DPYD: variants seen among roughly 807,000 people sequenced by gnomAD.
DPYD encodes dihydropyrimidine dehydrogenase, also known as dihydropyrimidine dehydrogenase [NADP(+)].
In DPYD, 109 loss-of-function variants were observed where a neutral mutation model predicts 116.2. The ratio of observed to expected loss-of-function variants is 0.94; its 90% CI spans 0.80 to 1.10. DPYD has a LOEUF of 1.10. Ranked by LOEUF, DPYD falls within the 50% of genes least tolerant of loss-of-function variation. DPYD has a pLI of 0.00. For missense variants in DPYD, 1,302 were observed against 1,254.5 expected (o/e 1.04, Z -0.57); for synonymous variants, 440 against 432.0 (o/e 1.02, Z -0.23).
At chr1:97,176,466 T>C (rs1358402854) in intron 20 of DPYD, among the ~76,000 whole-genome samples, 2 of 152,314 alleles carry the variant, frequency 1.3e-5, no homozygotes, top group Non-Finnish European at 2.9e-5. Flanking sequence ...CTCATGTTTT[T>C]AGTAGGTGGG....
chr1:97,747,055 C>T lies in DPYD; in HGVS notation c.234-6576G>A, dbSNP rs568170696. ...GAAAAGTGTCCCAATTCTGACTACT[C>T]TCTGTTAGAAATTTATTTATGGAGC... On this transcript the variant is annotated intron_variant, in intron 3 of 22. Transcript: ENST00000370192. Among the ~76,000 whole-genome samples, 5 of 151,604 alleles carry T rather than the reference C, an allele frequency of 3.3e-5. No individual in the cohort carries two copies. In the East Asian group the frequency reaches 9.7e-4, roughly 29 times the overall value.
chr1:97,676,220 T>C (rs77334208), intron 8 of DPYD, among the ~76,000 whole-genome samples: 2,019 of 152,290 alleles, frequency 0.013, 22 homozygotes, highest in Middle Eastern at 0.024. Context: ...TGTCATCCCC[T>C]TTCCCTATGA....
intron 18 of DPYD, among the ~76,000 whole-genome samples, chr1:97,302,260 G>A (rs1383157445): frequency 2.0e-5 from 3 of 151,952 alleles, no homozygotes; most frequent in Non-Finnish European, 4.4e-5. Context: ...ATATGGTGGA[G>A]AGCTGAATCA....
At chr1:97,871,657 T>A (rs577326516) in intron 2 of DPYD, among the ~76,000 whole-genome samples, 9 of 150,792 alleles carry the variant, frequency 6.0e-5, no homozygotes, top group Admixed American at 4.0e-4. Flanking sequence ...CTCAAAAAAA[T>A]TTTTGTGGCT....
intron 14 of DPYD, among the ~76,000 whole-genome samples, chr1:97,391,983 A>C (rs56682383): frequency 0.1 from 15,965 of 152,088 alleles, 1,084 homozygotes; most frequent in South Asian, 0.25. Flanking sequence ...AAAAAAAATA[A>C]TACTAACTAA....
At chr1:97,134,986 TA>T (rs1406802778) in intron 20 of DPYD, among the ~76,000 whole-genome samples, 1,920 of 152,118 alleles carry the variant, frequency 0.013, 38 homozygotes, top group African/African-American at 0.037. Flanking sequence ...CTTATATATA[TA>T]TATTTTTTTT....
intron 16 of DPYD, among the ~76,000 whole-genome samples, chr1:97,319,295 T>C (rs2101093783): frequency 6.6e-6 from 1 of 151,194 alleles, no homozygotes; most frequent in South Asian, 2.1e-4. Context: ...ATCCAGGAGC[T>C]GGTTTTCTGA....
intron 16 of DPYD, among the ~76,000 whole-genome samples, chr1:97,338,353 T>C (rs932346756): frequency 4.6e-5 from 7 of 152,090 alleles, no homozygotes; most frequent in Admixed American, 2.6e-4. Flanking sequence ...ACTGAAGCCT[T>C]GAGTTTCCTG....
chr1:97,750,602 C>T (rs950682027), intron 3 of DPYD, among the ~76,000 whole-genome samples: 3 of 152,064 alleles, frequency 2.0e-5, no homozygotes, highest in Non-Finnish European at 4.4e-5. Flanking sequence ...TATGAATTGA[C>T]CAGGCAAAAG....
intron 1 of DPYD, among the ~76,000 whole-genome samples, chr1:97,892,245 C>T (rs916109800): frequency 5.3e-5 from 8 of 151,712 alleles, no homozygotes; most frequent in African/African-American, 1.4e-4. Flanking sequence ...ATGCTTTTGA[C>T]GAGTATTTGT....
chr1:97,725,212 CAAAAT>C (rs1571254696), intron 4 of DPYD, among the ~76,000 whole-genome samples: 1 of 151,264 alleles, frequency 6.6e-6, no homozygotes, highest in Non-Finnish European at 1.5e-5. Context: ...CAGCAACAAA[CAAAAT>C]AAATTATTCA....
chr1:97,106,112 T>C (rs1046923655), intron 20 of DPYD, among the ~76,000 whole-genome samples: 1 of 152,082 alleles, frequency 6.6e-6, no homozygotes, highest in Middle Eastern at 3.2e-3. Flanking sequence ...GGGTGGACTG[T>C]AGGATGATGG....
chr1:97,847,466 G>C (rs1467269936), intron 2 of DPYD, among the ~76,000 whole-genome samples: 1 of 151,952 alleles, frequency 6.6e-6, no homozygotes, highest in African/African-American at 2.4e-5. Context: ...ATAAAAAGTA[G>C]AACACATTTC....
intron 12 of DPYD, among the ~76,000 whole-genome samples, chr1:97,535,034 G>A (rs1649894301): frequency 1.3e-5 from 2 of 152,068 alleles, no homozygotes; most frequent in Admixed American, 1.3e-4. Context: ...ACAAAGTTCT[G>A]TCTCAGAGAC....
intron 13 of DPYD, among the ~76,000 whole-genome samples, chr1:97,472,966 G>GT (rs1185728633): frequency 1.3e-5 from 2 of 151,954 alleles, no homozygotes; most frequent in African/African-American, 2.4e-5. Context: ...AGTTGCCTTT[G>GT]TTTTTTTGTG....
intron 12 of DPYD, among the ~76,000 whole-genome samples, chr1:97,528,441 C>T (rs1046110663): frequency 6.6e-6 from 1 of 152,042 alleles, no homozygotes; most frequent in Non-Finnish European, 1.5e-5. Context: ...TATTAATTGG[C>T]TCCATGGCAT....
At position 97,102,366 on chromosome 1, in the gene DPYD, C is replaced by T. The variant is rs868384727; in HGVS notation, c.2623-3734G>A. 1.4e-4 allele frequency among the ~76,000 whole-genome samples: 19 copies of T among 133,066 alleles called. No individual in the cohort carries two copies. In the South Asian group the frequency reaches 1.9e-3, roughly 13 times the overall value. 87.3% of individuals were successfully genotyped at this position (133,066 alleles called of 152,430 possible). On this transcript the variant is annotated intron_variant, in intron 20 of 22. Coordinates refer to ENST00000370192, the MANE Select transcript of DPYD (RefSeq NM_000110.4). ...AATATGTGAAAGATGAAAATATTTC[C>T]GGCTTATATCAGAATATATCACTCA...
At chr1:97,816,112 G>A (rs867106500) in intron 3 of DPYD, among the ~76,000 whole-genome samples, 13 of 150,298 alleles carry the variant, frequency 8.6e-5, no homozygotes, top group African/African-American at 2.5e-4. Flanking sequence ...CTAGGCTAGA[G>A]TGCAATGGCT....
chr1:97,646,745 G>A (rs187474174), intron 8 of DPYD, among the ~76,000 whole-genome samples: 1 of 151,954 alleles, frequency 6.6e-6, no homozygotes, highest in Admixed American at 6.6e-5. Flanking sequence ...TGCTTAATTG[G>A]TTATTTGCAG....
Sources: gnomAD v4.1 joint callset for allele counts (sites outside exome capture counted in the v4.1 genomes callset) on GRCh38, gnomAD v4.1.1 for gene constraint, MANE v1.5 for transcripts, NCBI Gene and HGNC (gene_info 2026-07-23, HGNC 2026-07-21) for gene names.